Variants in KCNJ6 observed in about 807,000 individuals in gnomAD.
KCNJ6 encodes G protein-activated inward rectifier potassium channel 2.
KCNJ6 carries 9 observed loss-of-function variants against 34.2 expected under a neutral mutation model. The observed-to-expected ratio is 0.26, with a 90% CI of 0.16 to 0.46. KCNJ6 has a LOEUF of 0.46. KCNJ6 is among the 20% of genes least tolerant of loss of function. The pLI, the probability that KCNJ6 is intolerant of heterozygous loss-of-function variation, is 1.00. For synonymous variants in KCNJ6, 196 were observed against 207.1 expected (o/e 0.95, Z 0.46); for missense variants, 236 against 531.3 (o/e 0.44, Z 5.46).
At chr21:37,733,593 T>C (rs1310699451) in intron 2 of KCNJ6, among the ~76,000 whole-genome samples, 3 of 152,190 alleles carry the variant, frequency 2.0e-5, no homozygotes, top group African/African-American at 7.2e-5. Context: ...CCCTGAAAAA[T>C]ATTCACTTTT....
intron 3 of KCNJ6, among the ~76,000 whole-genome samples, chr21:37,709,639 A>T (rs2054740786): frequency 6.6e-6 from 1 of 152,124 alleles, no homozygotes. Context: ...GCCCGACAAC[A>T]CCATTGGTGG....
Position 37,616,619 on chromosome 21 carries a change from T to TA in KCNJ6, c.*8539_*8540insT, listed in dbSNP as rs2054269194. ...TATATATATATATATATATATATGGTTAGACTCTGAACATATACGCTCGGT... is the reference window on the plus strand; with the variant it reads ...TATATATATATATATATATATATGGTATAGACTCTGAACATATACGCTCGGT... On this transcript the variant is annotated 3_prime_UTR_variant, in exon 4 of 4. Coordinates refer to ENST00000609713, the MANE Select transcript of KCNJ6 (RefSeq NM_002240.5). The TA allele has an allele frequency of 1.3e-5, 1 of 77,496 alleles. No homozygotes were observed. The highest frequency in any genetic ancestry group is 2.7e-5 in the Non-Finnish European group (1 of 36,460). The allele number at this position is 77,496 out of a possible 1,614,324, so 4.8% of individuals were successfully genotyped here.
At chr21:37,654,061 C>A (rs2054446070) in intron 3 of KCNJ6, among the ~76,000 whole-genome samples, 1 of 151,326 alleles carries the variant, frequency 6.6e-6, no homozygotes, top group African/African-American at 2.4e-5. Context: ...CTTGGGCAAC[C>A]CTCACTGTCT....
intron 3 of KCNJ6, among the ~76,000 whole-genome samples, chr21:37,650,024 A>T (rs2054425793): frequency 6.6e-6 from 1 of 151,778 alleles, no homozygotes; most frequent in Admixed American, 6.6e-5. Flanking sequence ...CAGCCTCCCA[A>T]AGTGCTGGGA....
At chr21:37,685,672 C>G (rs1227826424) in intron 3 of KCNJ6, among the ~76,000 whole-genome samples, 1 of 42,964 alleles carries the variant, frequency 2.3e-5, no homozygotes, top group Non-Finnish European at 4.0e-5. Context: ...CAGAGTGAGA[C>G]TCTGTCTCCA....
chr21:37,699,276 C>T (rs556371980), intron 3 of KCNJ6, among the ~76,000 whole-genome samples: 56 of 152,148 alleles, frequency 3.7e-4, no homozygotes, highest in Non-Finnish European at 7.2e-4. Flanking sequence ...AAGGTCTTTG[C>T]CTGCAGATTG....
chr21:37,826,520 A>G (rs1157486629), intron 2 of KCNJ6, among the ~76,000 whole-genome samples: 2 of 152,062 alleles, frequency 1.3e-5, no homozygotes, highest in African/African-American at 4.8e-5. Flanking sequence ...ACTCACAGGT[A>G]TGGCTCCTGT....
At chr21:37,727,980 T>C (rs2054864108) in intron 2 of KCNJ6, among the ~76,000 whole-genome samples, 1 of 152,244 alleles carries the variant, frequency 6.6e-6, no homozygotes, top group African/African-American at 2.4e-5. Flanking sequence ...AAGAAAGGCA[T>C]ATATAAATGA....
intron 3 of KCNJ6, among the ~76,000 whole-genome samples, chr21:37,677,480 C>A (rs1310632296): frequency 1.3e-5 from 2 of 151,976 alleles, no homozygotes; most frequent in Non-Finnish European, 2.9e-5. Flanking sequence ...TTTATTTGAC[C>A]TTTCCTTTCT....
chr21:37,640,657 T>C (rs1314255422), intron 3 of KCNJ6, among the ~76,000 whole-genome samples: 1 of 152,258 alleles, frequency 6.6e-6, no homozygotes, highest in Non-Finnish European at 1.5e-5. Flanking sequence ...GGCTTCCTAT[T>C]GATGTCAGGG....
intron 1 of KCNJ6, among the ~76,000 whole-genome samples, chr21:37,896,189 A>G (rs146205280): frequency 6.6e-6 from 1 of 152,316 alleles, no homozygotes; most frequent in Admixed American, 6.5e-5. Flanking sequence ...TCTCGTAAGA[A>G]CTCACTCACT....
chr21:37,827,182 G>A (rs972501075), intron 2 of KCNJ6, among the ~76,000 whole-genome samples: 1 of 152,192 alleles, frequency 6.6e-6, no homozygotes, highest in African/African-American at 2.4e-5. Flanking sequence ...GAAATCAAAA[G>A]TGTGCTTTAT....
chr21:37,837,303 C>G (rs2055456817), intron 2 of KCNJ6, among the ~76,000 whole-genome samples: 1 of 152,008 alleles, frequency 6.6e-6, no homozygotes, highest in Middle Eastern at 3.4e-3. Flanking sequence ...TTTTTCACAG[C>G]AAAGTCGTCA....
intron 3 of KCNJ6, among the ~76,000 whole-genome samples, chr21:37,680,409 C>G (rs553437454): frequency 6.6e-5 from 10 of 152,286 alleles, no homozygotes; most frequent in African/African-American, 1.9e-4. Context: ...CTGCACGTGG[C>G]TGCTGTCAAA....
chr21:37,876,009 G>A (rs1393099198), intron 1 of KCNJ6, among the ~76,000 whole-genome samples: 1 of 152,206 alleles, frequency 6.6e-6, no homozygotes, highest in Non-Finnish European at 1.5e-5. Context: ...AACATTTAAT[G>A]GGCTCAGAAC....
At chr21:37,863,854 T>G (rs1276640930) in intron 1 of KCNJ6, among the ~76,000 whole-genome samples, 2 of 79,424 alleles carry the variant, frequency 2.5e-5, no homozygotes, top group Non-Finnish European at 4.9e-5. Context: ...AGGTTTTTTT[T>G]TTTTTGTTTT....
At chr21:37,739,375 GAT>G (rs2054928482) in intron 2 of KCNJ6, among the ~76,000 whole-genome samples, 2 of 152,188 alleles carry the variant, frequency 1.3e-5, no homozygotes, top group Non-Finnish European at 2.9e-5. Flanking sequence ...GAATAAAATT[GAT>G]GCAAAAGGCA....
chr21:37,814,121 G>A (rs944070486), intron 2 of KCNJ6, among the ~76,000 whole-genome samples: 1 of 152,120 alleles, frequency 6.6e-6, no homozygotes, highest in African/African-American at 2.4e-5. Flanking sequence ...TTCTCAAAAG[G>A]AGATATACAA....
At chr21:37,838,770 T>C (rs1475674905) in intron 2 of KCNJ6, among the ~76,000 whole-genome samples, 1 of 152,200 alleles carries the variant, frequency 6.6e-6, no homozygotes, top group Non-Finnish European at 1.5e-5. Context: ...GTGATATGAT[T>C]TGGCTCTGTG....
Sources: gnomAD v4.1 joint callset for allele counts (sites outside exome capture counted in the v4.1 genomes callset) on GRCh38, gnomAD v4.1.1 for gene constraint, MANE v1.5 for transcripts, NCBI Gene and HGNC (gene_info 2026-07-23, HGNC 2026-07-21) for gene names.